Variants in CLCN1 observed in about 807,000 individuals in gnomAD.
CLCN1 encodes the protein chloride voltage-gated channel 1.
Under a neutral mutation model 114.5 loss-of-function variants are expected in CLCN1, and 100 were observed. The ratio of observed to expected loss-of-function variants is 0.87; its 90% CI spans 0.74 to 1.03. CLCN1 has a LOEUF of 1.03. Among genes scored for constraint, CLCN1 ranks in the 50% least tolerant of loss-of-function variants. CLCN1 has a pLI of 0.00. For synonymous variants in CLCN1, 485 were observed against 487.1 expected, an observed-to-expected ratio of 1.00 and a Z score of 0.06; for missense variants, 1,188 against 1,250.0, an observed-to-expected ratio of 0.95 and a Z score of 0.75.
At position 143,321,353 on chromosome 7, in the gene CLCN1, G is replaced by T; in HGVS notation, c.434-12G>T. 1 of 1,614,138 alleles carries T rather than the reference G, an allele frequency of 6.2e-7. No individual in the cohort carries two copies. Among genetic ancestry groups the T allele is most frequent in the Admixed American group, 1.7e-5 (1 of 59,998 alleles). On this transcript the variant is annotated splice_polypyrimidine_tract_variant and intron_variant, in intron 3 of 22. Coordinates refer to ENST00000343257, the MANE Select transcript of CLCN1 (RefSeq NM_000083.3). This position sits in a 1 kb window ranked among gnomAD's most constrained non-coding sequence, Gnocchi z 4.2. The stretch of plus-strand genomic sequence containing the variant: ...CCATGTTCTGCCTAACCCCAGGCAT[G>T]TGTCTCCGCAGCCTACAAGTGGTCC...
intron 7 of CLCN1, among the ~76,000 whole-genome samples, chr7:143,325,157 C>T (rs1472282435): frequency 2.6e-5 from 4 of 152,164 alleles, no homozygotes; most frequent in Non-Finnish European, 5.9e-5. Context: ...TGTTTATTGA[C>T]TCATCAAAAT....
At chr7:143,346,826 G>A (rs1803262457) in intron 19 of CLCN1, 85 bp from the exon 20 acceptor site, 7 of 1,368,566 alleles carry the variant, frequency 5.1e-6, no homozygotes, top group Middle Eastern at 1.8e-4. Flanking sequence ...CCTGGCCAGG[G>A]AGGGATGGCT....
At chr7:143,342,224 A>T (rs1586511037) in intron 15 of CLCN1, 82 bp downstream of exon 15, 1 of 1,513,678 alleles carries the variant, frequency 6.6e-7, no homozygotes, top group East Asian at 2.3e-5. Flanking sequence ...TTAGAGTTAA[A>T]GTTTGGAAAC....
In CLCN1 at chr7:143,342,147, G is replaced by C. The variant is rs764222666; in HGVS notation, c.1796+5G>C. ...CCTTGGCTGGAACCAGCTCAGGTCA[G>C]GGGCACTAGACGGAATTAGTTCAGA... is the stretch of plus-strand genomic sequence containing the variant. On this transcript the variant is annotated splice_donor_5th_base_variant and intron_variant, in intron 15 of 22. Transcript: ENST00000343257. 4.3e-6 allele frequency: 7 copies of C among 1,613,444 alleles called. No homozygotes were observed. The highest frequency in any genetic ancestry group is 5.9e-6 in the Non-Finnish European group (7 of 1,179,448).
chr7:143,316,837 G>C (rs1329508291), intron 1 of CLCN1, among the ~76,000 whole-genome samples: 1 of 152,244 alleles, frequency 6.6e-6, no homozygotes, highest in East Asian at 1.9e-4. Flanking sequence ...GCAGAAGGCA[G>C]AAGAAAGGAA....
intron 16 of CLCN1, 104 bp downstream of exon 16, chr7:143,342,609 C>G: frequency 1.7e-6 from 2 of 1,146,406 alleles, no homozygotes; most frequent in Non-Finnish European, 2.6e-6. Flanking sequence ...TAGGGGCCAT[C>G]CAATGTGCTA....
rs2116397860 is a variant in CLCN1, at chr7:143,350,655, G to A, written c.2595+1G>A. 1.2e-6 allele frequency: 2 copies of A among 1,612,962 alleles called. No individual in the cohort carries two copies. The highest frequency in any genetic ancestry group is 1.7e-6 in the Non-Finnish European group (2 of 1,178,986). ...CAGGGGCGTCCTGGCCCTGGAGGAG[G>A]TAATCACGATGTGTCCCATTTGAGC... On this transcript the variant is annotated splice_donor_variant, in intron 22 of 22. Coordinates refer to ENST00000343257, the MANE Select transcript of CLCN1 (RefSeq NM_000083.3). LOFTEE classifies it high-confidence loss of function. This position sits in a 1 kb window ranked among gnomAD's most constrained non-coding sequence, Gnocchi z 5.1.
In CLCN1 at chr7:143,350,870, C is replaced by G. The variant is rs189876438; in HGVS notation, c.2595+216C>G. 6.6e-6 allele frequency among the ~76,000 whole-genome samples: 1 copy of G among 151,896 alleles called. No individual in the cohort carries two copies. The highest frequency in any genetic ancestry group is 1.5e-5 in the Non-Finnish European group (1 of 67,964). The stretch of plus-strand genomic sequence containing the variant: ...TCAGCTCACTGCAACCTCCGCCTCC[C>G]GGGTTCAAGTGATTCTCCTGCCTCA... On this transcript the variant is annotated intron_variant, in intron 22 of 22. Coordinates refer to ENST00000343257, the MANE Select transcript of CLCN1 (RefSeq NM_000083.3). This position sits in a 1 kb window ranked among gnomAD's most constrained non-coding sequence, Gnocchi z 5.1.
chr7:143,337,676 T>TGG (rs1802943644), intron 12 of CLCN1, among the ~76,000 whole-genome samples: 1 of 152,178 alleles, frequency 6.6e-6, no homozygotes, highest in Non-Finnish European at 1.5e-5. Context: ...TTTCTGAAAT[T>TGG]GGTTTACTTA....
chr7:143,336,548 G>A lies in CLCN1; in HGVS notation c.1402-2705G>A, dbSNP rs1009602016. ...TTGCTTGAACGCGGGAGCCAGAGGT[G>A]GCAGTGAGCTGACACACCATTGCAC... On this transcript the variant is annotated intron_variant, in intron 12 of 22. Coordinates refer to ENST00000343257, the MANE Select transcript of CLCN1 (RefSeq NM_000083.3). Among the ~76,000 whole-genome samples the A allele has an allele frequency of 4.0e-5, 6 of 149,254 alleles. No individual in the cohort carries two copies. The Admixed American group carries it at 4.0e-4, about 10-fold the overall frequency.
At chr7:143,349,064 T>C (rs529942436) in intron 20 of CLCN1, among the ~76,000 whole-genome samples, 3 of 152,330 alleles carry the variant, frequency 2.0e-5, no homozygotes, top group Admixed American at 1.3e-4. Context: ...ATGTACTTGA[T>C]AATCATTCAC....
At chr7:143,343,705 C>CTTT in intron 16 of CLCN1, among the ~76,000 whole-genome samples, 1 of 151,336 alleles carries the variant, frequency 6.6e-6, no homozygotes, top group Non-Finnish European at 1.5e-5. Flanking sequence ...TTTCTTCCTT[C>CTTT]CTTTCTTTCT....
chr7:143,322,098 C>T (rs1802455605), intron 5 of CLCN1, among the ~76,000 whole-genome samples: 1 of 152,246 alleles, frequency 6.6e-6, no homozygotes, highest in Admixed American at 6.5e-5. Flanking sequence ...GGCTGGAAAA[C>T]TCTGTGCTGT....
chr7:143,346,053 T>G, intron 17 of CLCN1, 87 bp from the exon 18 acceptor site: 1 of 973,648 alleles, frequency 1.0e-6, no homozygotes, highest in Non-Finnish European at 1.7e-6. Context: ...AGAGTTCGCT[T>G]TCCCAGAACA....
chr7:143,346,831 A>T, intron 19 of CLCN1, 80 bp from the exon 20 acceptor site: 1 of 1,390,184 alleles, frequency 7.2e-7, no homozygotes, highest in African/African-American at 1.4e-5. Flanking sequence ...CCAGGGAGGG[A>T]TGGCTATTGT....
At chr7:143,332,148 G>C (rs1187542440) in intron 10 of CLCN1, among the ~76,000 whole-genome samples, 2 of 152,114 alleles carry the variant, frequency 1.3e-5, no homozygotes, top group Non-Finnish European at 2.9e-5. Flanking sequence ...ATTTTTAGTA[G>C]AGATGGGGTT....
chr7:143,322,908 C>T (rs958020277), intron 5 of CLCN1, among the ~76,000 whole-genome samples: 1 of 152,254 alleles, frequency 6.6e-6, no homozygotes, highest in Non-Finnish European at 1.5e-5. Flanking sequence ...CTGTGTTTGG[C>T]TCACAAGTTT....
At chr7:143,338,622 C>G (rs1252762852) in intron 12 of CLCN1, among the ~76,000 whole-genome samples, 1 of 151,882 alleles carries the variant, frequency 6.6e-6, no homozygotes, top group African/African-American at 2.4e-5. Context: ...CCCGTCTCTA[C>G]TAAAAATACA....
rs113839156 is a variant in CLCN1 at position 143,320,660 on chromosome 7, C to T, written c.302-4C>T. The T allele has an allele frequency of 1.4e-3, 2,197 of 1,597,782 alleles. 31 individuals carry two copies. The African/African-American group carries it at 0.026, about 19-fold the overall frequency. ...TGTTTGTTTTTTCCCTCATCTCTTCCTAGATTGTATCCACCGCCTGGGACA... is the reference window on the plus strand; with the variant it reads ...TGTTTGTTTTTTCCCTCATCTCTTCTTAGATTGTATCCACCGCCTGGGACA... On this transcript the variant is annotated splice_polypyrimidine_tract_variant and splice_region_variant and intron_variant, in intron 2 of 22. Transcript: ENST00000343257.
Sources: allele counts gnomAD v4.1 joint callset (sites outside exome capture counted in the v4.1 genomes callset), GRCh38; gene constraint gnomAD v4.1.1; non-coding constraint Gnocchi (gnomAD v3.1); transcripts MANE v1.5; gene names NCBI Gene and HGNC (gene_info 2026-07-23, HGNC 2026-07-21).